Variants in ELOVL5 observed in about 807,000 individuals in gnomAD.
ELOVL5 encodes the protein very long chain fatty acid elongase 5.
ELOVL5 carries 8 observed loss-of-function variants against 38.6 expected under a neutral mutation model. That is an observed-to-expected ratio of 0.21 (90% CI 0.12 to 0.37). The LOEUF is 0.37. Among genes scored for constraint, ELOVL5 ranks in the 10% least tolerant of loss-of-function variants. The probability of loss-of-function intolerance (pLI) is 1.00; values close to 1 mark genes in which losing one functional copy is unlikely to be tolerated. For missense variants in ELOVL5, 280 were observed against 367.8 expected (o/e 0.76, Z 1.95); for synonymous variants, 127 against 133.7 (o/e 0.95, Z 0.34).
intron 1 of ELOVL5, among the ~76,000 whole-genome samples, chr6:53,336,551 T>C (rs1167377387): frequency 6.6e-6 from 1 of 152,122 alleles, no homozygotes; most frequent in African/African-American, 2.4e-5. Flanking sequence ...GTCCCAGCTA[T>C]GCAGGAGGCT....
At chr6:53,328,432 G>C (rs1351543729) in intron 1 of ELOVL5, among the ~76,000 whole-genome samples, 1 of 152,158 alleles carries the variant, frequency 6.6e-6, no homozygotes, top group Non-Finnish European at 1.5e-5. Flanking sequence ...GTAAAATCAA[G>C]AGGAGGCTAA....
intron 1 of ELOVL5, among the ~76,000 whole-genome samples, chr6:53,301,227 C>CAATGACA: frequency 6.6e-6 from 1 of 152,260 alleles, no homozygotes; most frequent in East Asian, 1.9e-4. Flanking sequence ...GTGCGGTTTC[C>CAATGACA]TATCTTCTGA....
chr6:53,328,472 T>C (rs2127590489), intron 1 of ELOVL5, among the ~76,000 whole-genome samples: 1 of 152,296 alleles, frequency 6.6e-6, no homozygotes, highest in South Asian at 2.1e-4. Context: ...AAAGTAGAGC[T>C]CTAGTTGATC....
At chr6:53,297,156 C>T (rs919835406) in intron 1 of ELOVL5, among the ~76,000 whole-genome samples, 30 of 151,998 alleles carry the variant, frequency 2.0e-4, no homozygotes, top group African/African-American at 5.3e-4. Flanking sequence ...CCTGAAGGCA[C>T]CAGCTCCCCG....
chr6:53,341,571 C>A (rs768614138), intron 1 of ELOVL5, among the ~76,000 whole-genome samples: 16 of 152,184 alleles, frequency 1.1e-4, no homozygotes, highest in Non-Finnish European at 1.9e-4. Flanking sequence ...TTTTGTGAAG[C>A]CACAATGAAT....
chr6:53,337,498 A>G (rs766952668), intron 1 of ELOVL5, among the ~76,000 whole-genome samples: 7 of 152,204 alleles, frequency 4.6e-5, no homozygotes, highest in Non-Finnish European at 1.0e-4. Flanking sequence ...CTGGCCTTCT[A>G]AAGTCTCCTG....
At chr6:53,341,554 C>A (rs1012218353) in intron 1 of ELOVL5, among the ~76,000 whole-genome samples, 1 of 152,194 alleles carries the variant, frequency 6.6e-6, no homozygotes, top group Non-Finnish European at 1.5e-5. Context: ...GTCCCTACCT[C>A]GTGGGCTTTT....
chr6:53,297,706 A>G (rs1344738175), intron 1 of ELOVL5, among the ~76,000 whole-genome samples: 1 of 152,118 alleles, frequency 6.6e-6, no homozygotes, highest in Non-Finnish European at 1.5e-5. Flanking sequence ...AAAAACCACT[A>G]TATATAATAT....
chr6:53,278,907 C>T (rs1281214355), intron 3 of ELOVL5, among the ~76,000 whole-genome samples: 2 of 152,220 alleles, frequency 1.3e-5, no homozygotes, highest in African/African-American at 4.8e-5. Context: ...ATCCTAGGTG[C>T]AGTGTCCAGG....
intron 1 of ELOVL5, among the ~76,000 whole-genome samples, chr6:53,301,937 C>T (rs562954611): frequency 2.0e-5 from 3 of 152,236 alleles, no homozygotes; most frequent in African/African-American, 7.2e-5. Flanking sequence ...AAAGATACAG[C>T]TGAAAGGAGC....
intron 1 of ELOVL5, among the ~76,000 whole-genome samples, chr6:53,321,616 T>G (rs1309564417): frequency 6.6e-6 from 1 of 152,210 alleles, no homozygotes; most frequent in African/African-American, 2.4e-5. Context: ...ATGTTCCCAC[T>G]TGCAAGGTCT....
rs539510943 is a variant in ELOVL5, at chr6:53,341,543, G to A, written c.-9+7274C>T. ...TTAGTTTCCTCATCTGTAAAATTGG[G>A]GTCCCTACCTCGTGGGCTTTTGTGA... On this transcript the variant is annotated intron_variant, in intron 1 of 7. Coordinates refer to ENST00000304434, the MANE Select transcript of ELOVL5 (RefSeq NM_021814.5). 3.9e-5 allele frequency among the ~76,000 whole-genome samples: 6 copies of A among 152,226 alleles called. No individual in the cohort carries two copies. In the East Asian group the frequency reaches 1.2e-3, roughly 29 times the overall value.
At chr6:53,272,277 C>T (rs1257857890) in intron 6 of ELOVL5, among the ~76,000 whole-genome samples, 4 of 152,158 alleles carry the variant, frequency 2.6e-5, no homozygotes, top group Non-Finnish European at 4.4e-5. Flanking sequence ...GACTCAGTGT[C>T]ATCTATAAAA....
At chr6:53,329,176 T>A (rs1768677376) in intron 1 of ELOVL5, among the ~76,000 whole-genome samples, 1 of 142,638 alleles carries the variant, frequency 7.0e-6, no homozygotes, top group Non-Finnish European at 1.5e-5. Flanking sequence ...ATATAAAGTA[T>A]AACTAACTAC....
intron 6 of ELOVL5, 49 bp from the exon 7 acceptor site, chr6:53,270,776 G>A: frequency 1.2e-6 from 2 of 1,602,270 alleles, no homozygotes; most frequent in Non-Finnish European, 1.7e-6. Context: ...GCATGGACGA[G>A]GCCCCACACC....
chr6:53,271,588 C>T (rs1039703527), intron 6 of ELOVL5, among the ~76,000 whole-genome samples: 3 of 152,102 alleles, frequency 2.0e-5, no homozygotes, highest in African/African-American at 7.2e-5. Context: ...CTAGGCTCTG[C>T]ACACTGTATT....
chr6:53,317,874 G>A (rs552620519), intron 1 of ELOVL5, among the ~76,000 whole-genome samples: 34 of 150,046 alleles, frequency 2.3e-4, no homozygotes, highest in African/African-American at 7.1e-4. Context: ...ACCTAATCCC[G>A]CCCACTATTT....
intron 1 of ELOVL5, among the ~76,000 whole-genome samples, chr6:53,313,418 T>C (rs552415213): frequency 6.6e-6 from 1 of 152,294 alleles, no homozygotes; most frequent in East Asian, 1.9e-4. Flanking sequence ...TAGAGTGCAG[T>C]GGCACAATGA....
At chr6:53,305,087 G>A (rs1361113433) in intron 1 of ELOVL5, among the ~76,000 whole-genome samples, 5 of 149,650 alleles carry the variant, frequency 3.3e-5, no homozygotes, top group Admixed American at 2.0e-4. Flanking sequence ...CGGACGGGGC[G>A]GCTCGCTGGG....
Sources: allele counts gnomAD v4.1 joint callset (sites outside exome capture counted in the v4.1 genomes callset), GRCh38; gene constraint gnomAD v4.1.1; transcripts MANE v1.5; gene names NCBI Gene and HGNC (gene_info 2026-07-23, HGNC 2026-07-21).